The following PPP1R12B variants were observed in gnomAD, a reference collection of about 807,000 sequenced individuals.
The protein encoded by PPP1R12B is protein phosphatase 1 regulatory subunit 12B, also known as myosin phosphatase target subunit 2.
A neutral mutation model predicts 126.1 loss-of-function variants in PPP1R12B; 76 were observed. The observed-to-expected ratio is 0.60, with a 90% CI of 0.50 to 0.73. The LOEUF is 0.73. Among genes scored for constraint, PPP1R12B ranks in the 30% least tolerant of loss-of-function variants. The probability of loss-of-function intolerance (pLI) is 0.00; values close to 1 mark genes in which losing one functional copy is unlikely to be tolerated. For missense variants in PPP1R12B, 1,052 were observed against 1,205.1 expected, an observed-to-expected ratio of 0.87 and a Z score of 1.88; for synonymous variants, 356 against 434.7, an observed-to-expected ratio of 0.82 and a Z score of 2.25.
intron 1 of PPP1R12B, among the ~76,000 whole-genome samples, chr1:202,375,906 T>TTGTCATA (rs1448504102): frequency 1.6e-4 from 24 of 152,216 alleles, no homozygotes; most frequent in African/African-American, 5.5e-4. Flanking sequence ...ATAGTTTAAT[T>TTGTCATA]TGTCATATAT....
At chr1:202,476,221 AGATAT>A (rs1443667769) in intron 13 of PPP1R12B, among the ~76,000 whole-genome samples, 7 of 150,502 alleles carry the variant, frequency 4.7e-5, no homozygotes, top group African/African-American at 1.7e-4. Flanking sequence ...AAAAAAAAAA[AGATAT>A]AGTTCAATGA....
intron 1 of PPP1R12B, among the ~76,000 whole-genome samples, chr1:202,393,714 G>A (rs886278828): frequency 6.6e-5 from 10 of 152,064 alleles, no homozygotes; most frequent in Admixed American, 2.0e-4. Context: ...ATATAAATGG[G>A]GGAATGGTTA....
At chr1:202,394,342 A>T (rs1664604439) in intron 1 of PPP1R12B, among the ~76,000 whole-genome samples, 1 of 152,194 alleles carries the variant, frequency 6.6e-6, no homozygotes, top group Non-Finnish European at 1.5e-5. Context: ...ATATATGAAA[A>T]GTACATGTAA....
intron 13 of PPP1R12B, among the ~76,000 whole-genome samples, chr1:202,486,017 G>T (rs942598847): frequency 6.6e-6 from 1 of 152,220 alleles, no homozygotes; most frequent in East Asian, 1.9e-4. Context: ...GAGTAGGTGG[G>T]ACTACAGGCA....
At chr1:202,353,586 T>TTG (rs58683662) in intron 1 of PPP1R12B, among the ~76,000 whole-genome samples, 11,045 of 120,674 alleles carry the variant, frequency 0.092, 685 homozygotes, top group African/African-American at 0.18. Flanking sequence ...TTCTTCTTCT[T>TTG]TGTGTGTGTG....
chr1:202,531,945 GA>G (rs1335733562), intron 18 of PPP1R12B, among the ~76,000 whole-genome samples: 1 of 152,212 alleles, frequency 6.6e-6, no homozygotes, highest in African/African-American at 2.4e-5. Flanking sequence ...ACAGTAAAGT[GA>G]AAGCAAGTTT....
At chr1:202,541,951 C>T (rs544351643) in intron 18 of PPP1R12B, among the ~76,000 whole-genome samples, 3 of 152,262 alleles carry the variant, frequency 2.0e-5, no homozygotes, top group South Asian at 2.1e-4. Context: ...GGTCACTGGC[C>T]GTGGATTCCT....
chr1:202,579,425 T>C (rs750419353), intron 23 of PPP1R12B, among the ~76,000 whole-genome samples: 35 of 152,354 alleles, frequency 2.3e-4, no homozygotes, highest in Non-Finnish European at 4.3e-4. Context: ...TGTAGCTTTC[T>C]GTAGCCTGCA....
intron 21 of PPP1R12B, 103 bp from the exon 22 acceptor site, chr1:202,567,675 C>A: frequency 7.9e-7 from 1 of 1,264,248 alleles, no homozygotes; most frequent in Non-Finnish European, 1.1e-6. Context: ...CAAAGTTTTA[C>A]TGTTTATTTC....
intron 23 of PPP1R12B, among the ~76,000 whole-genome samples, chr1:202,573,543 C>G (rs568856988): frequency 3.4e-4 from 52 of 152,242 alleles, no homozygotes; most frequent in Non-Finnish European, 6.0e-4. Context: ...TTATAACCCA[C>G]AGGATTGTCC....
At chr1:202,388,787 G>A (rs1663593397) in intron 1 of PPP1R12B, among the ~76,000 whole-genome samples, 2 of 152,006 alleles carry the variant, frequency 1.3e-5, no homozygotes, top group African/African-American at 4.8e-5. Context: ...GAAAAATTTG[G>A]CAAGCTCATC....
intron 13 of PPP1R12B, among the ~76,000 whole-genome samples, chr1:202,478,384 C>T (rs190995166): frequency 2.6e-5 from 4 of 152,280 alleles, no homozygotes; most frequent in African/African-American, 4.8e-5. Context: ...ATGTTCTCAA[C>T]GCAGCTATAA....
At chr1:202,379,801 A>G (rs964006495) in intron 1 of PPP1R12B, among the ~76,000 whole-genome samples, 1 of 152,220 alleles carries the variant, frequency 6.6e-6, no homozygotes, top group Non-Finnish European at 1.5e-5. Context: ...ATACATCAGA[A>G]TACTCATTAA....
chr1:202,376,625 T>G (rs1442253689), intron 1 of PPP1R12B, among the ~76,000 whole-genome samples: 2 of 152,198 alleles, frequency 1.3e-5, no homozygotes, highest in Admixed American at 1.3e-4. Context: ...TTGCATCCTT[T>G]TATAAGTTGT....
chr1:202,455,625 C>G (rs1176351123), intron 13 of PPP1R12B, among the ~76,000 whole-genome samples: 3 of 152,158 alleles, frequency 2.0e-5, no homozygotes, highest in African/African-American at 4.8e-5. Context: ...AGTCAATGGA[C>G]ACTTGAGTTG....
chr1:202,438,853 A>G (rs943320162), intron 10 of PPP1R12B: 16 of 1,121,760 alleles, frequency 1.4e-5, no homozygotes, highest in Non-Finnish European at 2.0e-5. Context: ...GTCACTGCTG[A>G]CTCCATCTAC....
intron 1 of PPP1R12B, among the ~76,000 whole-genome samples, chr1:202,414,369 T>C (rs1020756622): frequency 6.6e-6 from 1 of 152,272 alleles, no homozygotes; most frequent in East Asian, 1.9e-4. Context: ...GTACTTTGAA[T>C]GAATCTTTTA....
chr1:202,525,062 G>A (rs805954), intron 18 of PPP1R12B, among the ~76,000 whole-genome samples: 81,203 of 151,718 alleles, frequency 0.54, 22,155 homozygotes, highest in East Asian at 0.71. Context: ...TATTTTTAGT[G>A]GAGTCGGGGT....
intron 1 of PPP1R12B, among the ~76,000 whole-genome samples, chr1:202,363,756 A>G (rs558522157): frequency 1.3e-5 from 2 of 152,210 alleles, no homozygotes; most frequent in East Asian, 3.9e-4. Flanking sequence ...GTGCCATTTT[A>G]TTTTATTCTA....
Sources: gnomAD v4.1 joint callset for allele counts (sites outside exome capture counted in the v4.1 genomes callset) on GRCh38, gnomAD v4.1.1 for gene constraint, MANE v1.5 for transcripts, NCBI Gene and HGNC (gene_info 2026-07-23, HGNC 2026-07-21) for gene names.